ZNF574: variants seen among roughly 807,000 people sequenced by gnomAD.
ZNF574 encodes zinc finger protein 574.
Under a neutral mutation model 56.6 loss-of-function variants are expected in ZNF574, and 25 were observed. The ratio of observed to expected loss-of-function variants is 0.44; its 90% CI spans 0.32 to 0.62. The LOEUF (loss-of-function observed/expected upper bound fraction) is 0.62, where lower values mean the gene tolerates loss of function less well. Ranked by LOEUF, ZNF574 falls within the 20% of genes least tolerant of loss-of-function variation. The pLI is 0.04. For synonymous variants in ZNF574, 543 were observed against 492.1 expected, an observed-to-expected ratio of 1.10 and a Z score of -1.37; for missense variants, 1,065 against 1,218.9, an observed-to-expected ratio of 0.87 and a Z score of 1.88.
chr19:42,074,139 C>CAA (rs145833709), upstream of ZNF574, among the ~76,000 whole-genome samples: 1 of 109,926 alleles, frequency 9.1e-6, no homozygotes. Flanking sequence ...GACTCCATCT[C>CAA]AAAAAAAAAA....
At chr19:42,072,101 ACCTCAGCTTAT>A (rs1207155499), upstream of ZNF574, among the ~76,000 whole-genome samples, 1 of 151,966 alleles carries the variant, frequency 6.6e-6, no homozygotes, top group Non-Finnish European at 1.5e-5. Flanking sequence ...CTCCAGAAAG[ACCTCAGCTTAT>A]CCTCAGCTTA....
Position 42,081,117 on chromosome 19 carries a change from C to T in ZNF574, c.2511C>T (p.Leu837=), listed in dbSNP as rs768594465. ...AGAGCTACCGCTCCTTCTCCAACCT[C>T]TGGAAGCACCGCAAGACCCATCAGC... is the stretch of plus-strand genomic sequence containing the variant. The part of the protein sequence containing the change: ...CGKSYRSFSN[L]WKHRKTHQQQ... Residue 837 remains leucine, a synonymous_variant, in exon 2 of 2, where the codon CTC becomes CTT. Coordinates refer to ENST00000359044, the MANE Select transcript of ZNF574 (RefSeq NM_022752.6). 3 of 1,614,158 alleles carry T rather than the reference C, an allele frequency of 1.9e-6. No homozygotes were observed. The highest frequency in any genetic ancestry group is 1.1e-5 in the South Asian group (1 of 91,092).
upstream of ZNF574, among the ~76,000 whole-genome samples, chr19:42,072,509 T>C (rs1300508800): frequency 9.2e-5 from 14 of 151,994 alleles, 1 homozygote; most frequent in African/African-American, 3.4e-4. Context: ...GTGCTGGGAT[T>C]ACAGGCGCAA....
At chr19:42,072,679 G>A (rs1020024757), upstream of ZNF574, among the ~76,000 whole-genome samples, 21 of 151,848 alleles carry the variant, frequency 1.4e-4, 1 homozygote, top group Middle Eastern at 0.01. Context: ...TGATTCTCCT[G>A]CCTCAGCCTC....
chr19:42,080,353 G>T lies in ZNF574; in HGVS notation c.1747G>T (p.Glu583Ter), dbSNP rs761283588. 6.2e-7 allele frequency: 1 copy of T among 1,614,226 alleles called. No homozygotes were observed. Residue 583 changes from glutamate (E) to a stop codon, truncating the protein, a stop_gained, in exon 2 of 2, where the codon GAA becomes TAA. Coordinates refer to ENST00000359044, the MANE Select transcript of ZNF574 (RefSeq NM_022752.6). LOFTEE classifies it high-confidence loss of function. The surrounding 1 kb of genome is among the most constrained non-coding windows in gnomAD (Gnocchi z 8.5). The stretch of plus-strand genomic sequence containing the variant: ...CCAGCACTTCCCCTACCGCTGCCAG[G>T]AATGTGGGGTGCGTTTTCACCGTCC... ...HAQHFPYRCQECGVRFHRPYR... is the reference protein window; with the variant it reads ...HAQHFPYRCQ
In ZNF574 at chr19:42,080,436, C is replaced by T. The variant is rs61740155; in HGVS notation, c.1830C>T (p.Arg610=). 2.5e-4 allele frequency: 397 copies of T among 1,614,210 alleles called. 5 individuals carry two copies. In the African/African-American group the frequency reaches 4.7e-3, roughly 19 times the overall value. ...CAGGTGAATACCCCTACAAGTGTCG[C>T]GAGTGCCCCCGCTCCTTCTTGCTGC... The part of the protein sequence containing the change: ...HHTGEYPYKC[R]ECPRSFLLRR... Residue 610 remains arginine (R), a synonymous_variant, in exon 2 of 2, where the codon CGC becomes CGT. Transcript: ENST00000359044. This position sits in a 1 kb window ranked among gnomAD's most constrained non-coding sequence, Gnocchi z 8.5.
chr19:42,076,461 G>A (rs2076456481), intron 1 of ZNF574, among the ~76,000 whole-genome samples, 175 bp downstream of exon 1: 1 of 151,636 alleles, frequency 6.6e-6, no homozygotes, highest in African/African-American at 2.4e-5. Flanking sequence ...GGCCGGGCTG[G>A]AGCGGCGGGT....
exon 1 of ZNF574, chr19:42,068,736 A>G (rs765760616): frequency 1.2e-5 from 6 of 504,792 alleles, no homozygotes; most frequent in South Asian, 1.1e-4. Flanking sequence ...CTGGGCTAAC[A>G]GCAAAGAGAG....
rs1210092801 is a variant in ZNF574 at position 42,081,044 on chromosome 19, G to A, written c.2438G>A (p.Arg813His). 10 of 1,614,000 alleles carry A rather than the reference G, an allele frequency of 6.2e-6. No individual in the cohort carries two copies. Among genetic ancestry groups the A allele is most frequent in the South Asian group, 2.2e-5 (2 of 91,092 alleles). ...FAISMRLAEH[R>H]RIHTGERPYS... The stretch of plus-strand genomic sequence containing the variant: ...ATCTCCATGCGCCTGGCAGAACATC[G>A]CCGCATCCACACAGGCGAACGACCC... The change falls in exon 2 of 2, where the codon CGC becomes CAC. Residue 813 changes from arginine (R) to histidine (H), a missense_variant. Arg to His is a conservative substitution (Grantham distance 29). Transcript: ENST00000359044.
rs1417036178 is a variant in ZNF574, at chr19:42,080,159, CAG to C, written c.1554_1555del (p.Glu520AlafsTer7). 3.1e-6 allele frequency: 5 copies of C among 1,613,946 alleles called. No individual in the cohort carries two copies. Among genetic ancestry groups the C allele is most frequent in the Non-Finnish European group, 3.4e-6 (4 of 1,180,044 alleles). On this transcript the variant is annotated frameshift_variant, in exon 2 of 2. Coordinates refer to ENST00000359044, the MANE Select transcript of ZNF574 (RefSeq NM_022752.6). LOFTEE classifies it high-confidence loss of function. This position sits in a 1 kb window ranked among gnomAD's most constrained non-coding sequence, Gnocchi z 8.5. ...GTGCGTAACCACCTGCGCACACACA[CAG>C]GGGAGCGGCCCTTCCCCTGCCCTGA...
At chr19:42,069,190 A>G (rs956766945) in intron 1 of ZNF574, 12 of 368,788 alleles carry the variant, frequency 3.3e-5, no homozygotes, top group Admixed American at 1.4e-4. Context: ...ACCAGAGCCC[A>G]GCCTTCCAGG....
Position 42,080,075 on chromosome 19 carries a change from G to A in ZNF574, c.1469G>A (p.Arg490Gln), listed in dbSNP as rs146947116. Residue 490 changes from arginine to glutamine, a missense_variant, in exon 2 of 2, where the codon CGG becomes CAG. Transcript: ENST00000359044. The surrounding 1 kb of genome is among the most constrained non-coding windows in gnomAD (Gnocchi z 8.5). ...ACCCGGCACCAACGTTTTGTGCATC[G>A]GCTGGAGCGGCGCCATAAATGCAGC... ...QLTRHQRFVHRLERRHKCSIC... is the reference protein window; with the variant it reads ...QLTRHQRFVHQLERRHKCSIC... 3.2e-5 allele frequency: 51 copies of A among 1,613,988 alleles called. No homozygotes were observed. Among genetic ancestry groups the A allele is most frequent in the African/African-American group, 2.7e-5 (2 of 74,906 alleles).
intron 1 of ZNF574, among the ~76,000 whole-genome samples, chr19:42,077,494 T>C (rs767446124): frequency 6.6e-6 from 1 of 151,994 alleles, no homozygotes; most frequent in Non-Finnish European, 1.5e-5. Flanking sequence ...CTGAGATGGA[T>C]TTGAGGGGGG....
intron 1 of ZNF574, chr19:42,070,756 C>T: frequency 6.5e-6 from 1 of 152,684 alleles, no homozygotes; most frequent in Non-Finnish European, 1.5e-5. Context: ...ACGGGAGAAG[C>T]CAGAGACACA....
rs754665702 is a variant in ZNF574, at chr19:42,079,486, C to G, written c.880C>G (p.Arg294Gly). 22 of 1,613,774 alleles carry G rather than the reference C, an allele frequency of 1.4e-5. No individual in the cohort carries two copies. The highest frequency in any genetic ancestry group is 5.0e-5 in the Admixed American group (3 of 60,030). The change falls in exon 2 of 2, where the codon CGG (arginine) becomes GGG (glycine). Residue 294 changes from arginine to glycine, a missense_variant. Arg to Gly is a moderately radical substitution (Grantham distance 125). Coordinates refer to ENST00000359044, the MANE Select transcript of ZNF574 (RefSeq NM_022752.6). This position sits in a 1 kb window ranked among gnomAD's most constrained non-coding sequence, Gnocchi z 4.3. Reference protein sequence around the residue: ...IGRDRRGRRARRNNSGEAGGA... With the variant: ...IGRDRRGRRAGRNNSGEAGGA... ...GCGGGATCGCCGGGGGCGCAGGGCCCGGAGGAACAACAGTGGAGAAGCAGG... is the reference window on the plus strand; with the variant it reads ...GCGGGATCGCCGGGGGCGCAGGGCCGGGAGGAACAACAGTGGAGAAGCAGG...
chr19:42,079,247 A>G lies in ZNF574; in HGVS notation c.641A>G (p.Tyr214Cys), dbSNP rs775048777. Reference protein sequence around the residue: ...EVVTEVELLLYKCSECSQLFQ... With the variant: ...EVVTEVELLLCKCSECSQLFQ... ...GTGACTGAGGTGGAGCTGCTCCTCT[A>G]CAAGTGCTCTGAGTGCTCCCAGCTC... The change falls in exon 2 of 2, where the codon TAC (tyrosine) becomes TGC (cysteine). Residue 214 changes from tyrosine to cysteine, a missense_variant. Physicochemically the swap from Tyr to Cys is radical, Grantham distance 194. Transcript: ENST00000359044. This position sits in a 1 kb window ranked among gnomAD's most constrained non-coding sequence, Gnocchi z 4.3. 5 of 1,614,078 alleles carry G rather than the reference A, an allele frequency of 3.1e-6. No individual in the cohort carries two copies. The highest frequency in any genetic ancestry group is 1.1e-5 in the South Asian group (1 of 91,082).
upstream of ZNF574, among the ~76,000 whole-genome samples, chr19:42,072,553 A>C (rs550615412): frequency 1.4e-3 from 197 of 139,746 alleles, no homozygotes; most frequent in African/African-American, 4.5e-3. Flanking sequence ...CTTTTCTTTT[A>C]TTTTTTCTTT....
upstream of ZNF574, among the ~76,000 whole-genome samples, chr19:42,074,324 G>C (rs909999226): frequency 1.3e-5 from 2 of 149,952 alleles, no homozygotes; most frequent in Non-Finnish European, 3.0e-5. Context: ...GCGTGGTGGC[G>C]AGCGCCTGTA....
At position 42,076,234 on chromosome 19, in the gene ZNF574, C is replaced by A. The variant is rs988314478; in HGVS notation, c.-73C>A. The A allele has an allele frequency of 5.9e-5, 9 of 152,294 alleles. No homozygotes were observed. Among genetic ancestry groups the A allele is most frequent in the Non-Finnish European group, 1.5e-5 (1 of 68,072 alleles). 9.4% of individuals were successfully genotyped at this position (152,294 alleles called of 1,614,324 possible). Reference sequence around the variant, plus strand: ...AGAGCGGGCGCAGCGTTAGGGTGGCCGTGCAAGGGGAGCCGTGGCCCGGGC... The same window carrying A: ...AGAGCGGGCGCAGCGTTAGGGTGGCAGTGCAAGGGGAGCCGTGGCCCGGGC... On this transcript the variant is annotated 5_prime_UTR_variant, in exon 1 of 2. Transcript: ENST00000359044.
Sources: gnomAD v4.1 joint callset for allele counts (sites outside exome capture counted in the v4.1 genomes callset) on GRCh38, gnomAD v4.1.1 for gene constraint, Gnocchi (gnomAD v3.1) non-coding constraint, MANE v1.5 for transcripts, NCBI Gene and HGNC (gene_info 2026-07-23, HGNC 2026-07-21) for gene names.